The following AFMID variants were observed in gnomAD, a reference collection of about 807,000 sequenced individuals.
AFMID encodes arylformamidase, also known as kynurenine formamidase.
A neutral mutation model predicts 47.5 loss-of-function variants in AFMID; 39 were observed. That is an observed-to-expected ratio of 0.82 (90% CI 0.64 to 1.07). The LOEUF (loss-of-function observed/expected upper bound fraction) is 1.07. Ranked by LOEUF, AFMID falls within the 50% of genes least tolerant of loss-of-function variation. The probability of loss-of-function intolerance (pLI) is 0.00; values close to 1 mark genes in which losing one functional copy is unlikely to be tolerated. For synonymous variants in AFMID, 130 were observed against 153.2 expected, an observed-to-expected ratio of 0.85 and a Z score of 1.12; for missense variants, 375 against 387.5, an observed-to-expected ratio of 0.97 and a Z score of 0.27.
rs1187069420 is a variant in AFMID at position 78,206,147 on chromosome 17, C to A, written c.885+97C>A. On this transcript the variant is annotated intron_variant, in intron 10 of 10. Coordinates refer to ENST00000409257, the MANE Select transcript of AFMID (RefSeq NM_001010982.5). Reference sequence around the variant, plus strand: ...AACCAGGAGTTCAAGACCAGCCTGGCCAACATGGAGAAACTCCGTGTCTAC... The same window carrying A: ...AACCAGGAGTTCAAGACCAGCCTGGACAACATGGAGAAACTCCGTGTCTAC... 9.9e-6 allele frequency: 10 copies of A among 1,014,404 alleles called. No individual in the cohort carries two copies. In the East Asian group the frequency reaches 2.2e-4, roughly 23 times the overall value. The allele number at this position is 1,014,404 out of a possible 1,614,324, so 62.8% of individuals were successfully genotyped here. A position where few individuals can be genotyped will look rare whatever the true frequency, so the allele number is the denominator to read the frequency against.
intron 2 of AFMID, chr17:78,197,586 G>T: frequency 5.0e-6 from 1 of 200,134 alleles, no homozygotes; most frequent in Non-Finnish European, 1.0e-5. Context: ...TGTTATAGCC[G>T]CCCAGGCTGA....
At chr17:78,206,539 TG>T (rs1384196916) in intron 10 of AFMID, among the ~76,000 whole-genome samples, 1 of 151,334 alleles carries the variant, frequency 6.6e-6, no homozygotes. Flanking sequence ...CTCGAGTAGC[TG>T]GGACTACAAA....
Position 78,190,900 on chromosome 17 carries a change from T to C in AFMID, c.64-70T>C, listed in dbSNP as rs1177398176. ...TAAGGCAGAGAGGAGCAGCCGGGCA[T>C]GGGCGAGGGGGAGGGGCACACTCTG... On this transcript the variant is annotated intron_variant, in intron 1 of 10. Transcript: ENST00000409257. 5.6e-6 allele frequency: 8 copies of C among 1,428,090 alleles called. No homozygotes were observed. The East Asian group carries it at 1.7e-4, about 30-fold the overall frequency. 88.5% of individuals were successfully genotyped at this position (1,428,090 alleles called of 1,614,324 possible).
rs2076403576 is a variant in AFMID at position 78,207,143 on chromosome 17, G to A, written c.*206G>A. 1 of 626,830 alleles carries A rather than the reference G, an allele frequency of 1.6e-6. No homozygotes were observed. The highest frequency in any genetic ancestry group is 2.8e-6 in the Non-Finnish European group (1 of 357,648). 38.8% of individuals were successfully genotyped at this position (626,830 alleles called of 1,614,324 possible). A position where few individuals can be genotyped will look rare whatever the true frequency, so the allele number is the denominator to read the frequency against. On this transcript the variant is annotated 3_prime_UTR_variant, in exon 11 of 11. Transcript: ENST00000409257. ...CCTCCCTCTTCCCAGCCTGGATGGA[G>A]CTCCAGGGCTGGGGAACGTCCGCAA...
At chr17:78,205,573 G>A (rs200649999) in intron 8 of AFMID, 30 bp from the exon 9 acceptor site, 3 of 1,613,926 alleles carry the variant, frequency 1.9e-6, no homozygotes, top group African/African-American at 2.7e-5. Context: ...GCTCCTCTCT[G>A]TCCTGACCCC....
rs1598978089 is a variant in AFMID, at chr17:78,187,498, T to C, written c.63+65T>C. The C allele has an allele frequency of 5.6e-6, 9 of 1,592,956 alleles. No homozygotes were observed. The East Asian group carries it at 1.6e-4, about 28-fold the overall frequency. On this transcript the variant is annotated intron_variant, in intron 1 of 10. Coordinates refer to ENST00000409257, the MANE Select transcript of AFMID (RefSeq NM_001010982.5). The stretch of plus-strand genomic sequence containing the variant: ...AGTTAGCTCATTTATTAGATTGGAA[T>C]TCCAAGAAGGAAGCTTAGAAGCCGT...
intron 2 of AFMID, among the ~76,000 whole-genome samples, chr17:78,196,976 A>C (rs906515937): frequency 1.3e-5 from 2 of 152,080 alleles, no homozygotes; most frequent in African/African-American, 4.8e-5. Context: ...TCCTAGAGAG[A>C]GGCAATTTCT....
In AFMID at chr17:78,191,002, G is replaced by T. The variant is rs1361643784; in HGVS notation, c.96G>T (p.Trp32Cys). The T allele has an allele frequency of 1.2e-6, 2 of 1,613,928 alleles. No homozygotes were observed. The highest frequency in any genetic ancestry group is 1.7e-6 in the Non-Finnish European group (2 of 1,180,008). ...AGAATCAGTACTGTCCCAGCCGATGGGTTGTCCGACTGGGAGCAGAGGAAG... is the reference window on the plus strand; with the variant it reads ...AGAATCAGTACTGTCCCAGCCGATGTGTTGTCCGACTGGGAGCAGAGGAAG... ...ELENQYCPSR[W>C]VVRLGAEEAL... Residue 32 changes from tryptophan (W) to cysteine (C), a missense_variant, in exon 2 of 11, where the codon TGG becomes TGT. Coordinates refer to ENST00000409257, the MANE Select transcript of AFMID (RefSeq NM_001010982.5).
chr17:78,193,106 T>A (rs941625952), intron 2 of AFMID, among the ~76,000 whole-genome samples: 1 of 151,984 alleles, frequency 6.6e-6, no homozygotes, highest in African/African-American at 2.4e-5. Context: ...GCGTGGTGGC[T>A]CATGCCTGTA....
intron 3 of AFMID, 31 bp downstream of exon 3, chr17:78,202,634 G>T: frequency 6.3e-7 from 1 of 1,591,708 alleles, no homozygotes; most frequent in Non-Finnish European, 8.6e-7. Context: ...GGGTCCCGGG[G>T]CTTGGGGGTC....
chr17:78,190,773 T>C, intron 1 of AFMID, 197 bp from the exon 2 acceptor site: 1 of 549,204 alleles, frequency 1.8e-6, no homozygotes, highest in Admixed American at 3.2e-5. Flanking sequence ...CATCTCCCCT[T>C]AAGGCTGCCA....
chr17:78,207,515 C>G lies in AFMID; in HGVS notation c.*578C>G, dbSNP rs2076413372. ...GCCAGGCTGGTCTCAAACTCCTAAC[C>G]TTGTGATTCGCCCGCCTTGGCCTCC... is the stretch of plus-strand genomic sequence containing the variant. On this transcript the variant is annotated 3_prime_UTR_variant, in exon 11 of 11. Transcript: ENST00000409257. 1 of 152,464 alleles carries G rather than the reference C, an allele frequency of 6.6e-6. No individual in the cohort carries two copies. Among genetic ancestry groups the G allele is most frequent in the African/African-American group, 2.4e-5 (1 of 41,408 alleles). 9.4% of individuals were successfully genotyped at this position (152,464 alleles called of 1,614,324 possible).
Position 78,187,409 on chromosome 17 carries a change from T to C in AFMID, c.39T>C (p.Val13=). ...CTGGTGTGGGTTTCCCAAGCAAGGT[T>C]CCTTGGAAGAAGATGTCTGCAGAGG... ...DVSGVGFPSK[V]PWKKMSAEEL... Residue 13 remains valine (V), a synonymous_variant, in exon 1 of 11, where the codon GTT becomes GTC. Coordinates refer to ENST00000409257, the MANE Select transcript of AFMID (RefSeq NM_001010982.5). The C allele has an allele frequency of 6.2e-7, 1 of 1,613,904 alleles. No homozygotes were observed. The highest frequency in any genetic ancestry group is 8.5e-7 in the Non-Finnish European group (1 of 1,179,946).
intron 2 of AFMID, chr17:78,197,112 A>T (rs745351745): frequency 6.5e-7 from 1 of 1,528,422 alleles, no homozygotes; most frequent in South Asian, 1.2e-5. Context: ...GTTTTTCTTA[A>T]TCGTAGCACA....
At chr17:78,191,290 A>T (rs892557927) in intron 2 of AFMID, among the ~76,000 whole-genome samples, 1 of 152,114 alleles carries the variant, frequency 6.6e-6, no homozygotes, top group African/African-American at 2.4e-5. Context: ...GGCTCAGTCG[A>T]CCATGCCTGG....
chr17:78,199,796 G>A (rs2076203601), intron 2 of AFMID, among the ~76,000 whole-genome samples: 1 of 152,198 alleles, frequency 6.6e-6, no homozygotes, highest in South Asian at 2.1e-4. Flanking sequence ...GTTCTACAGG[G>A]AACTGGATTC....
At chr17:78,203,038 C>T in intron 4 of AFMID, 5 of 298,116 alleles carry the variant, frequency 1.7e-5, no homozygotes, top group South Asian at 5.8e-5. Flanking sequence ...GTTCCTGGGT[C>T]TCAAATCTTC....
chr17:78,199,827 A>G (rs73381537), intron 2 of AFMID, among the ~76,000 whole-genome samples: 7,734 of 152,214 alleles, frequency 0.051, 219 homozygotes, highest in African/African-American at 0.055. Context: ...GGGGAGATCA[A>G]CCCAGCAGCC....
chr17:78,206,138 C>T, intron 10 of AFMID, 88 bp downstream of exon 10: 1 of 1,102,318 alleles, frequency 9.1e-7, no homozygotes, highest in Admixed American at 2.0e-5. Context: ...GAGTTCAAGA[C>T]CAGCCTGGCC....
Sources: allele counts gnomAD v4.1 joint callset (sites outside exome capture counted in the v4.1 genomes callset), GRCh38; gene constraint gnomAD v4.1.1; transcripts MANE v1.5; gene names NCBI Gene and HGNC (gene_info 2026-07-23, HGNC 2026-07-21).